The following TTC6 variants were observed in gnomAD, a reference collection of about 807,000 sequenced individuals.
The protein encoded by TTC6 is tetratricopeptide repeat protein 6.
A neutral mutation model predicts 210.4 loss-of-function variants in TTC6; 172 were observed. The observed-to-expected ratio is 0.82, with a 90% CI of 0.72 to 0.93. The LOEUF is 0.93. TTC6 is among the 40% of genes least tolerant of loss of function. The pLI is 0.00. For synonymous variants in TTC6, 804 were observed against 819.6 expected, an observed-to-expected ratio of 0.98 and a Z score of 0.32; for missense variants, 2,414 against 2,318.1, an observed-to-expected ratio of 1.04 and a Z score of -0.85.
intron 14 of TTC6, among the ~76,000 whole-genome samples, chr14:37,759,796 A>G (rs1339259043): frequency 2.6e-5 from 4 of 152,080 alleles, no homozygotes; most frequent in African/African-American, 9.7e-5. Context: ...TGATTTGGCT[A>G]TTGATACTTG....
intron 7 of TTC6, among the ~76,000 whole-genome samples, chr14:37,729,437 G>A (rs945364533): frequency 3.3e-5 from 5 of 152,264 alleles, no homozygotes; most frequent in Admixed American, 1.3e-4. Context: ...CTGCTGTCCC[G>A]CAGACCTAAC....
At chr14:37,727,382 C>G (rs1007878576) in intron 7 of TTC6, among the ~76,000 whole-genome samples, 3 of 148,876 alleles carry the variant, frequency 2.0e-5, no homozygotes, top group African/African-American at 7.4e-5. Context: ...CAACCTCTGC[C>G]TCTCAGGTTC....
At chr14:37,643,367 C>A (rs987056244) in intron 1 of TTC6, among the ~76,000 whole-genome samples, 2 of 152,036 alleles carry the variant, frequency 1.3e-5, no homozygotes, top group Non-Finnish European at 2.9e-5. Flanking sequence ...AAAAAGAATT[C>A]TTAATATCTG....
intron 14 of TTC6, among the ~76,000 whole-genome samples, chr14:37,761,509 C>T (rs1043282490): frequency 1.3e-5 from 2 of 151,962 alleles, no homozygotes; most frequent in Admixed American, 6.6e-5. Context: ...GAAAAGTGTA[C>T]AAAATGGAAA....
intron 5 of TTC6, among the ~76,000 whole-genome samples, chr14:37,706,046 G>C (rs1156303684): frequency 6.6e-6 from 1 of 152,130 alleles, no homozygotes; most frequent in Non-Finnish European, 1.5e-5. Context: ...CAGTATTAGA[G>C]AACAGGAAGA....
chr14:37,827,352 A>G, exon 29 of TTC6: 1 of 1,612,276 alleles, frequency 6.2e-7, no homozygotes, highest in Non-Finnish European at 8.5e-7. Flanking sequence ...CTTTCACCAC[A>G]GGCAGTTTTC....
At chr14:37,813,600 G>T (rs1450844576) in intron 25 of TTC6, among the ~76,000 whole-genome samples, 1 of 152,242 alleles carries the variant, frequency 6.6e-6, no homozygotes, top group Admixed American at 6.5e-5. Context: ...TACAGAGGAA[G>T]AAACTGGTAT....
intron 10 of TTC6, among the ~76,000 whole-genome samples, chr14:37,742,181 C>G (rs1224918715): frequency 1.3e-5 from 2 of 152,212 alleles, no homozygotes; most frequent in Non-Finnish European, 2.9e-5. Context: ...GTTCCTATCC[C>G]TCTGAATGCA....
At chr14:37,807,075 GA>G (rs1202419209) in intron 22 of TTC6, among the ~76,000 whole-genome samples, 1 of 151,886 alleles carries the variant, frequency 6.6e-6, no homozygotes, top group South Asian at 2.1e-4. Context: ...CAATAGTGCA[GA>G]AAAAAATAGA....
intron 17 of TTC6, among the ~76,000 whole-genome samples, chr14:37,793,432 T>G (rs1364034833): frequency 2.6e-5 from 4 of 152,242 alleles, no homozygotes; most frequent in Non-Finnish European, 5.9e-5. Flanking sequence ...TCACACTGTA[T>G]GTCCACAGAG....
At chr14:37,608,287 TG>T (rs1002513495) in intron 2 of TTC6, among the ~76,000 whole-genome samples, 1 of 127,964 alleles carries the variant, frequency 7.8e-6, no homozygotes, top group Admixed American at 7.4e-5. Context: ...AAGTTTTTTT[TG>T]TGTGTGTGTG....
intron 10 of TTC6, among the ~76,000 whole-genome samples, chr14:37,739,960 G>C (rs879190287): frequency 6.6e-6 from 1 of 151,868 alleles, no homozygotes; most frequent in Non-Finnish European, 1.5e-5. Context: ...TCAGGAGATC[G>C]AGACCATCGT....
intron 5 of TTC6, among the ~76,000 whole-genome samples, chr14:37,702,532 A>T (rs763839209): frequency 9.9e-5 from 15 of 152,196 alleles, no homozygotes; most frequent in Non-Finnish European, 1.9e-4. Context: ...CTTGCTCTAC[A>T]GTCTCTCGCC....
exon 24 of TTC6, chr14:37,808,834 G>A: frequency 6.6e-7 from 1 of 1,520,612 alleles, no homozygotes; most frequent in Non-Finnish European, 8.9e-7. Flanking sequence ...CCAAGATAAG[G>A]GAACTTCAAA....
chr14:37,713,032 A>G (rs1377127179), intron 5 of TTC6, among the ~76,000 whole-genome samples: 1 of 152,172 alleles, frequency 6.6e-6, no homozygotes, highest in African/African-American at 2.4e-5. Context: ...GAAGGCGGCA[A>G]ATCTGGAAGC....
intron 17 of TTC6, 56 bp downstream of exon 19, chr14:37,792,470 T>C: frequency 7.4e-7 from 1 of 1,347,614 alleles, no homozygotes; most frequent in Non-Finnish European, 9.7e-7. Context: ...TTTCTGGATA[T>C]TTGTTCAACA....
chr14:37,751,616 A>G (rs2095952187), intron 13 of TTC6, among the ~76,000 whole-genome samples: 1 of 152,152 alleles, frequency 6.6e-6, no homozygotes, highest in Non-Finnish European at 1.5e-5. Flanking sequence ...TCTTTTCTGC[A>G]GGGAACCTAT....
intron 3 of TTC6, among the ~76,000 whole-genome samples, chr14:37,691,770 G>C (rs2095803999): frequency 6.6e-6 from 1 of 151,944 alleles, no homozygotes; most frequent in South Asian, 2.1e-4. Context: ...TTTTTGAAAA[G>C]CTAAACAAAA....
At chr14:37,832,845 G>T (rs1011664671) in intron 29 of TTC6, among the ~76,000 whole-genome samples, 3 of 151,904 alleles carry the variant, frequency 2.0e-5, no homozygotes, top group East Asian at 1.9e-4. Flanking sequence ...AGATCACGAG[G>T]TCAAGAGATC....
Sources: gnomAD v4.1 joint callset for allele counts (sites outside exome capture counted in the v4.1 genomes callset) on GRCh38, gnomAD v4.1.1 for gene constraint, MANE v1.5 for transcripts, NCBI Gene and HGNC (gene_info 2026-07-23, HGNC 2026-07-21) for gene names.